SNTG1: variants seen among roughly 807,000 people sequenced by gnomAD.
SNTG1 encodes syntrophin gamma 1, also known as gamma-1-syntrophin.
SNTG1 carries 39 observed loss-of-function variants against 74.7 expected under a neutral mutation model. That is an observed-to-expected ratio of 0.52 (90% confidence interval 0.40 to 0.68). SNTG1 has a LOEUF of 0.68. Among genes scored for constraint, SNTG1 ranks in the 30% least tolerant of loss-of-function variants. SNTG1 has a pLI of 0.00. For synonymous variants in SNTG1, 254 were observed against 217.1 expected (o/e 1.17, Z -1.49); for missense variants, 685 against 609.5 (o/e 1.12, Z -1.30).
intron 2 of SNTG1, among the ~76,000 whole-genome samples, chr8:50,389,588 G>T (rs1276823576): frequency 6.6e-6 from 1 of 151,996 alleles, no homozygotes; most frequent in Non-Finnish European, 1.5e-5. Flanking sequence ...TAATCCTTTG[G>T]GTATATACCC....
intron 13 of SNTG1, among the ~76,000 whole-genome samples, chr8:50,591,965 G>C (rs2094694659): frequency 6.6e-6 from 1 of 152,196 alleles, no homozygotes; most frequent in Admixed American, 6.5e-5. Flanking sequence ...GTGGAAACCA[G>C]AGCTGTCACC....
intron 13 of SNTG1, among the ~76,000 whole-genome samples, chr8:50,618,891 A>ATGTGTGTG (rs34924863): frequency 1.0e-3 from 153 of 148,450 alleles, no homozygotes; most frequent in African/African-American, 3.2e-3. Context: ...ATATGTGTAT[A>ATGTGTGTG]TGTGTGTGTG....
intron 17 of SNTG1, among the ~76,000 whole-genome samples, chr8:50,743,751 A>G (rs1262718244): frequency 1.3e-5 from 2 of 151,964 alleles, no homozygotes; most frequent in Non-Finnish European, 2.9e-5. Flanking sequence ...ACACACACAC[A>G]TCAGATGTAT....
chr8:50,469,789 G>A (rs2093637416), intron 8 of SNTG1, among the ~76,000 whole-genome samples: 1 of 152,114 alleles, frequency 6.6e-6, no homozygotes, highest in Admixed American at 6.6e-5. Flanking sequence ...AATCAGCCTG[G>A]CCAACAGGGT....
chr8:49,934,229 C>T (rs1047294310), intron 1 of SNTG1, among the ~76,000 whole-genome samples: 1 of 151,984 alleles, frequency 6.6e-6, no homozygotes, highest in African/African-American at 2.4e-5. Context: ...TTCCTTGCAG[C>T]AAGCATCTTT....
chr8:50,507,015 A>G (rs772186521), intron 9 of SNTG1, among the ~76,000 whole-genome samples: 21 of 151,996 alleles, frequency 1.4e-4, no homozygotes, highest in Non-Finnish European at 2.6e-4. Flanking sequence ...AAAATGTATT[A>G]TGTTTTAAAT....
chr8:49,931,892 A>T (rs1393825002), intron 1 of SNTG1, among the ~76,000 whole-genome samples: 1 of 152,200 alleles, frequency 6.6e-6, no homozygotes, highest in South Asian at 2.1e-4. Context: ...TTGGAATAAG[A>T]TGGCTTCTGG....
chr8:50,613,848 T>C (rs2094868049), intron 13 of SNTG1, among the ~76,000 whole-genome samples: 1 of 152,152 alleles, frequency 6.6e-6, no homozygotes, highest in South Asian at 2.1e-4. Context: ...AATCACTCCA[T>C]AGATTATACC....
intron 3 of SNTG1, among the ~76,000 whole-genome samples, chr8:50,395,335 A>G (rs1249307777): frequency 6.6e-6 from 1 of 151,962 alleles, no homozygotes; most frequent in Admixed American, 6.6e-5. Flanking sequence ...TCAAATTACA[A>G]GGCAGTTTTT....
intron 1 of SNTG1, among the ~76,000 whole-genome samples, chr8:50,010,807 T>C (rs2130563951): frequency 1.3e-5 from 2 of 150,194 alleles, no homozygotes; most frequent in South Asian, 4.2e-4. Flanking sequence ...TTTTTTTTTT[T>C]TGGTGAGGTG....
At chr8:50,043,908 A>T (rs558219279) in intron 1 of SNTG1, among the ~76,000 whole-genome samples, 2 of 152,312 alleles carry the variant, frequency 1.3e-5, no homozygotes, top group African/African-American at 4.8e-5. Context: ...AGATGTCCTT[A>T]GTGAGGACAT....
intron 17 of SNTG1, among the ~76,000 whole-genome samples, chr8:50,714,182 C>T (rs2095469639): frequency 6.6e-6 from 1 of 151,866 alleles, no homozygotes; most frequent in Non-Finnish European, 1.5e-5. Context: ...CTGTTCTCTT[C>T]CATTGGTCTA....
intron 13 of SNTG1, among the ~76,000 whole-genome samples, chr8:50,591,467 G>T (rs879657145): frequency 6.6e-6 from 1 of 152,072 alleles, no homozygotes; most frequent in African/African-American, 2.4e-5. Flanking sequence ...TGATAAAAAT[G>T]TTTAAATGCT....
intron 18 of SNTG1, among the ~76,000 whole-genome samples, chr8:50,760,028 G>A (rs996416192): frequency 6.6e-6 from 1 of 151,986 alleles, no homozygotes. Flanking sequence ...CTCGAGCAGT[G>A]GTTTGTAGTT....
intron 2 of SNTG1, among the ~76,000 whole-genome samples, chr8:50,385,783 G>A (rs1219411667): frequency 6.6e-6 from 1 of 152,108 alleles, no homozygotes; most frequent in Non-Finnish European, 1.5e-5. Context: ...AGGTACCAAG[G>A]GATATGTTCA....
At chr8:50,254,852 A>G (rs1313121228) in intron 2 of SNTG1, among the ~76,000 whole-genome samples, 1 of 20,908 alleles carries the variant, frequency 4.8e-5, no homozygotes, top group Non-Finnish European at 2.4e-4. Flanking sequence ...GACTCCTCAA[A>G]GAAAAAAAAA....
chr8:50,294,084 C>A (rs113215748), intron 2 of SNTG1, among the ~76,000 whole-genome samples: 1 of 152,074 alleles, frequency 6.6e-6, no homozygotes. Context: ...AATAGGTACA[C>A]ATGTCTACTT....
intron 1 of SNTG1, among the ~76,000 whole-genome samples, chr8:50,003,708 G>A (rs937629219): frequency 6.6e-6 from 1 of 152,206 alleles, no homozygotes; most frequent in African/African-American, 2.4e-5. Context: ...GTTCTCTCAA[G>A]AGGATCTGCT....
chr8:50,597,380 C>CATATAT (rs2094736792), intron 13 of SNTG1, among the ~76,000 whole-genome samples: 1 of 131,442 alleles, frequency 7.6e-6, no homozygotes, highest in Non-Finnish European at 1.7e-5. Context: ...TGTATATATA[C>CATATAT]ACATATATAC....
Sources: allele counts gnomAD v4.1 joint callset (sites outside exome capture counted in the v4.1 genomes callset), GRCh38; gene constraint gnomAD v4.1.1; transcripts MANE v1.5; gene names NCBI Gene and HGNC (gene_info 2026-07-23, HGNC 2026-07-21).